The following LCN15 variants were observed in gnomAD, a reference collection of about 807,000 sequenced individuals.
The protein encoded by LCN15 is lipocalin 15.
A neutral mutation model predicts 23.1 loss-of-function variants in LCN15; 26 were observed. That is an observed-to-expected ratio of 1.13 (90% CI 0.82 to 1.56). LCN15 has a LOEUF of 1.56. Among genes scored for constraint, LCN15 ranks in the 40% most tolerant of loss-of-function variants. LCN15 has a pLI of 0.00. For synonymous variants in LCN15, 107 were observed against 98.3 expected (o/e 1.09, Z -0.52); for missense variants, 241 against 239.5 (o/e 1.01, Z -0.04).
chr9:136,761,411 C>T lies in LCN15; in HGVS notation c.*32+376G>A, dbSNP rs866430133. 6.6e-6 allele frequency among the ~76,000 whole-genome samples: 1 copy of T among 152,288 alleles called. No individual in the cohort carries two copies. Among genetic ancestry groups the T allele is most frequent in the Middle Eastern group, 3.4e-3 (1 of 294 alleles). ...AAGTAGCTGAGATTACAGGTGTGCA[C>T]CACCACGCCCAGCTAAGTTTTGTAT... On this transcript the variant is annotated intron_variant, in intron 6 of 6. Transcript: ENST00000316144. This position sits in a 1 kb window ranked among gnomAD's most constrained non-coding sequence, Gnocchi z 4.2.
In LCN15 at chr9:136,762,823, T is replaced by C. The variant is rs1250510657; in HGVS notation, c.418+534A>G. Among the ~76,000 whole-genome samples the C allele has an allele frequency of 6.0e-5, 9 of 149,896 alleles. No homozygotes were observed. In the East Asian group the frequency reaches 9.9e-4, roughly 17 times the overall value. On this transcript the variant is annotated intron_variant, in intron 4 of 6. Transcript: ENST00000316144. The stretch of plus-strand genomic sequence containing the variant: ...CTGTAGTCCCAGCTTATCGGGGGGC[T>C]GAGGCAGGAGAATTGCTTGAACTGG...
In LCN15 at chr9:136,762,174, G is replaced by GGC; in HGVS notation, c.520+13_520+14insGC. 1 of 1,461,022 alleles carries GGC rather than the reference G, an allele frequency of 6.8e-7. No homozygotes were observed. Among genetic ancestry groups the GGC allele is most frequent in the Non-Finnish European group, 9.3e-7 (1 of 1,073,932 alleles). The allele number at this position is 1,461,022 out of a possible 1,614,324, so 90.5% of individuals were successfully genotyped here. On this transcript the variant is annotated intron_variant, in intron 5 of 6. Coordinates refer to ENST00000316144, the MANE Select transcript of LCN15 (RefSeq NM_203347.2). ...GGCTGGGGGGCATGGGGTGGGCGGG[G>GGC]CTTGCCAGGGTACCTGACTGGGGCA...
chr9:136,762,587 G>T (rs1847331705), intron 4 of LCN15, among the ~76,000 whole-genome samples: 1 of 152,072 alleles, frequency 6.6e-6, no homozygotes. Flanking sequence ...GGCTCCAATC[G>T]GGGAGTCCCC....
chr9:136,763,911 G>T lies in LCN15; in HGVS notation c.195C>A (p.Pro65=). The T allele has an allele frequency of 6.2e-7, 1 of 1,613,688 alleles. No homozygotes were observed. Among genetic ancestry groups the T allele is most frequent in the Non-Finnish European group, 8.5e-7 (1 of 1,179,990 alleles). Residue 65 remains proline (P), a synonymous_variant, in exon 2 of 7, where the codon CCC becomes CCA. Coordinates refer to ENST00000316144, the MANE Select transcript of LCN15 (RefSeq NM_203347.2). ...HLSMSTRAIR[P]TEEGGLHVHM... ...GGACGTGGAGGCCGCCCTCCTCTGTGGGCCTGATGGCCCTGGTGGACATGG... is the reference window on the plus strand; with the variant it reads ...GGACGTGGAGGCCGCCCTCCTCTGTTGGCCTGATGGCCCTGGTGGACATGG...
intron 6 of LCN15, among the ~76,000 whole-genome samples, chr9:136,760,395 G>C (rs1847303545): frequency 1.3e-5 from 2 of 152,200 alleles, no homozygotes; most frequent in Non-Finnish European, 2.9e-5. Flanking sequence ...CCAGGGAGAG[G>C]GTCCTGGGAG....
Position 136,763,369 on chromosome 9 carries a change from C to T in LCN15, c.406G>A (p.Val136Met). The change falls in exon 4 of 7, where the codon GTG (valine) becomes ATG (methionine). Residue 136 changes from valine to methionine, a missense_variant. Transcript: ENST00000316144. ...KELEGALSTMVQLYSRTQDVS... is the reference protein window; with the variant it reads ...KELEGALSTMMQLYSRTQDVS... The stretch of plus-strand genomic sequence containing the variant: ...GACAGGCACTCACTGTAGAGCTGCA[C>T]CATGGTGCTGAGGGCCCCCTCCAGC... 6.3e-7 allele frequency: 1 copy of T among 1,584,096 alleles called. No individual in the cohort carries two copies. The highest frequency in any genetic ancestry group is 8.6e-7 in the Non-Finnish European group (1 of 1,164,662).
intron 6 of LCN15, among the ~76,000 whole-genome samples, chr9:136,760,677 G>A (rs1340835116): frequency 6.6e-6 from 1 of 152,246 alleles, no homozygotes; most frequent in Non-Finnish European, 1.5e-5. Flanking sequence ...GCCCGCACGT[G>A]GCTCCTGTGA....
Position 136,761,692 on chromosome 9 carries a change from C to T in LCN15, c.*32+95G>A, listed in dbSNP as rs978554085. 3.1e-5 allele frequency: 16 copies of T among 521,476 alleles called. No individual in the cohort carries two copies. Among genetic ancestry groups the T allele is most frequent in the South Asian group, 9.2e-5 (1 of 10,862 alleles). 32.3% of individuals were successfully genotyped at this position (521,476 alleles called of 1,614,324 possible). ...AGCATGGGGTCGCCAGGCAGAACAG[C>T]GGGGCAGGCATGGGGCAGACAGAAC... On this transcript the variant is annotated intron_variant, in intron 6 of 6. Transcript: ENST00000316144. The surrounding 1 kb of genome is among the most constrained non-coding windows in gnomAD (Gnocchi z 4.2).
At chr9:136,762,080 C>G in intron 5 of LCN15, 108 bp downstream of exon 5, 1 of 802,832 alleles carries the variant, frequency 1.2e-6, no homozygotes, top group African/African-American at 1.8e-5. Context: ...AAGAGAAGAC[C>G]ACCTGCTGCC....
intron 6 of LCN15, among the ~76,000 whole-genome samples, chr9:136,760,289 A>G (rs1847301658): frequency 6.6e-6 from 1 of 152,144 alleles, no homozygotes; most frequent in Non-Finnish European, 1.5e-5. Context: ...GTTGCCCCCC[A>G]TGTTTCCCAA....
rs749426781 is a variant in LCN15 at position 136,763,792 on chromosome 9, G to A, written c.237-9C>T. On this transcript the variant is annotated splice_polypyrimidine_tract_variant and intron_variant, in intron 2 of 6. Coordinates refer to ENST00000316144, the MANE Select transcript of LCN15 (RefSeq NM_203347.2). ...GGTTACAGCCGTCCGCCCTGGGGGT[G>A]CACAGCCGGCTCACTCATGGCACCC... The A allele has an allele frequency of 1.9e-6, 3 of 1,613,156 alleles. No homozygotes were observed. Among genetic ancestry groups the A allele is most frequent in the African/African-American group, 2.7e-5 (2 of 74,890 alleles).
chr9:136,762,915 T>C (rs1588313890), intron 4 of LCN15, among the ~76,000 whole-genome samples: 10 of 75,572 alleles, frequency 1.3e-4, no homozygotes, highest in South Asian at 4.4e-4. Context: ...AGAGTGAGAC[T>C]CCATATTAAA....
Position 136,762,171 on chromosome 9 carries a change from G to A in LCN15, c.520+17C>T, listed in dbSNP as rs771610959. ...AGAGGCTGGGGGGCATGGGGTGGGCGGGGCTTGCCAGGGTACCTGACTGGG... is the reference window on the plus strand; with the variant it reads ...AGAGGCTGGGGGGCATGGGGTGGGCAGGGCTTGCCAGGGTACCTGACTGGG... On this transcript the variant is annotated intron_variant, in intron 5 of 6. Transcript: ENST00000316144. 99 of 1,476,168 alleles carry A rather than the reference G, an allele frequency of 6.7e-5. No individual in the cohort carries two copies. In the Admixed American group the frequency reaches 1.4e-3, roughly 21 times the overall value. 91.4% of individuals were successfully genotyped at this position (1,476,168 alleles called of 1,614,324 possible). A position where few individuals can be genotyped will look rare whatever the true frequency, so the allele number is the denominator to read the frequency against.
At chr9:136,763,217 C>CGGG (rs530577183) in intron 4 of LCN15, 140 bp downstream of exon 4, 7 of 527,818 alleles carry the variant, frequency 1.3e-5, no homozygotes, top group African/African-American at 1.2e-4. Context: ...GCCTAAAAGG[C>CGGG]GGGGGGCGGA....
At position 136,764,133 on chromosome 9, in the gene LCN15, G is replaced by A. The variant is rs1847354288; in HGVS notation, c.97-124C>T. The A allele has an allele frequency of 4.8e-6, 6 of 1,241,156 alleles. No individual in the cohort carries two copies. In the East Asian group the frequency reaches 1.4e-4, roughly 30 times the overall value. The allele number at this position is 1,241,156 out of a possible 1,614,324, so 76.9% of individuals were successfully genotyped here. On this transcript the variant is annotated intron_variant, in intron 1 of 6. Coordinates refer to ENST00000316144, the MANE Select transcript of LCN15 (RefSeq NM_203347.2). The stretch of plus-strand genomic sequence containing the variant: ...GTCTCGGAGTGGCCATGTCTTGGGT[G>A]TGAGCTGAGCCCAGGTGGACAGGAA...
Position 136,763,850 on chromosome 9 carries a change from G to C in LCN15, c.236+20C>G, listed in dbSNP as rs1273650700. The C allele has an allele frequency of 6.2e-7, 1 of 1,613,270 alleles. No homozygotes were observed. Among genetic ancestry groups the C allele is most frequent in the South Asian group, 1.1e-5 (1 of 91,068 alleles). On this transcript the variant is annotated intron_variant, in intron 2 of 6. Transcript: ENST00000316144. ...TCAGCTCCCCAGCCCAGCCCAGGCA[G>C]CCCAGCCCAAGTAACTCACCCCGGG...
chr9:136,764,475 A>G lies in LCN15; in HGVS notation c.14T>C (p.Leu5Pro). The G allele has an allele frequency of 1.2e-6, 2 of 1,612,790 alleles. No individual in the cohort carries two copies. The highest frequency in any genetic ancestry group is 2.2e-5 in the South Asian group (2 of 90,988). Residue 5 changes from leucine to proline, a missense_variant, in exon 1 of 7, where the codon CTG (leucine) becomes CCG (proline). Coordinates refer to ENST00000316144, the MANE Select transcript of LCN15 (RefSeq NM_203347.2). MMSF[L>P]LGAILTLLWA... ...GAGCAGGGTCAGGATTGCGCCGAGC[A>G]GGAATGACATCATCCCCTCCCCTGC...
In LCN15 at chr9:136,761,310, G is replaced by A. The variant is rs183317417; in HGVS notation, c.*32+477C>T. Among the ~76,000 whole-genome samples, 1 of 152,302 alleles carries A rather than the reference G, an allele frequency of 6.6e-6. No homozygotes were observed. The highest frequency in any genetic ancestry group is 1.5e-5 in the Non-Finnish European group (1 of 68,006). ...AGTTTCTCTCTTGTCACCCAGGCTGGACTGTAATGGTGCAATCTCGGCTCA... is the reference window on the plus strand; with the variant it reads ...AGTTTCTCTCTTGTCACCCAGGCTGAACTGTAATGGTGCAATCTCGGCTCA... On this transcript the variant is annotated intron_variant, in intron 6 of 6. Transcript: ENST00000316144. This position sits in a 1 kb window ranked among gnomAD's most constrained non-coding sequence, Gnocchi z 4.2.
At chr9:136,763,094 C>G (rs1393832790) in intron 4 of LCN15, among the ~76,000 whole-genome samples, 1 of 151,712 alleles carries the variant, frequency 6.6e-6, no homozygotes, top group Non-Finnish European at 1.5e-5. Context: ...CAGCTCCCAC[C>G]CCACCCGGTC....
Sources: gnomAD v4.1 joint callset for allele counts (sites outside exome capture counted in the v4.1 genomes callset) on GRCh38, gnomAD v4.1.1 for gene constraint, Gnocchi (gnomAD v3.1) non-coding constraint, MANE v1.5 for transcripts, NCBI Gene and HGNC (gene_info 2026-07-23, HGNC 2026-07-21) for gene names.